DNAH7: variants seen among roughly 807,000 people sequenced by gnomAD.
DNAH7 encodes the protein axonemal beta dynein heavy chain 7.
Under a neutral mutation model 444.6 loss-of-function variants are expected in DNAH7, and 397 were observed. The observed-to-expected ratio is 0.89, with a 90% CI of 0.82 to 0.97. The LOEUF is 0.97. DNAH7 is among the 50% of genes least tolerant of loss of function. The pLI, the probability that DNAH7 is intolerant of heterozygous loss-of-function variation, is 0.00. For missense variants in DNAH7, 4,902 were observed against 4,800.8 expected, an observed-to-expected ratio of 1.02 and a Z score of -0.62; for synonymous variants, 1,636 against 1,624.4, an observed-to-expected ratio of 1.01 and a Z score of -0.17.
intron 16 of DNAH7, among the ~76,000 whole-genome samples, chr2:195,971,861 A>G (rs1574918341): frequency 6.6e-6 from 1 of 152,148 alleles, no homozygotes; most frequent in Non-Finnish European, 1.5e-5. Context: ...TGAGGTATGA[A>G]AGCACATTTC....
chr2:196,007,776 T>C (rs1575007374), intron 10 of DNAH7, among the ~76,000 whole-genome samples: 2 of 152,180 alleles, frequency 1.3e-5, no homozygotes, highest in Non-Finnish European at 2.9e-5. Context: ...CCTTCCACCA[T>C]GATTGTGAGG....
chr2:195,961,896 A>C (rs189291135), intron 17 of DNAH7, among the ~76,000 whole-genome samples: 1 of 152,260 alleles, frequency 6.6e-6, no homozygotes, highest in East Asian at 1.9e-4. Context: ...AAATTTAACT[A>C]ATTTTTCAAT....
chr2:195,987,820 C>A, intron 13 of DNAH7, 137 bp downstream of exon 13: 2 of 847,672 alleles, frequency 2.4e-6, no homozygotes, highest in Non-Finnish European at 3.6e-6. Context: ...ATGCTAGGGA[C>A]ACATCAGAAG....
chr2:196,005,600 T>C (rs1341829908), intron 10 of DNAH7, among the ~76,000 whole-genome samples: 1 of 151,820 alleles, frequency 6.6e-6, no homozygotes, highest in Admixed American at 6.6e-5. Context: ...GCCAACAAAT[T>C]TGATAATCTA....
chr2:196,066,274 T>G (rs769130445), intron 1 of DNAH7, among the ~76,000 whole-genome samples: 1 of 152,244 alleles, frequency 6.6e-6, no homozygotes, highest in Non-Finnish European at 1.5e-5. Flanking sequence ...AATATAGTTG[T>G]CAGTTGTCAC....
In DNAH7 at chr2:195,857,669, T is replaced by C. The variant is rs965712011; in HGVS notation, c.8122A>G (p.Met2708Val). Reference sequence around the variant, plus strand: ...CCTTTCAAGATGCATATAGCTTCCATAACAAGCTTGACACCAGCAGGAGGA... The same window carrying C: ...CCTTTCAAGATGCATATAGCTTCCACAACAAGCTTGACACCAGCAGGAGGA... The part of the protein sequence containing the change: ...KSPPAGVKLV[M>V]EAICILKGIK... The change falls in exon 44 of 65, where the codon ATG becomes GTG. Residue 2708 changes from methionine (M) to valine (V), a missense_variant. Met to Val is a conservative substitution (Grantham distance 21, BLOSUM62 1). Coordinates refer to ENST00000312428, the MANE Select transcript of DNAH7 (RefSeq NM_018897.3). The C allele has an allele frequency of 4.3e-6, 7 of 1,613,298 alleles. No individual in the cohort carries two copies. The highest frequency in any genetic ancestry group is 4.2e-6 in the Non-Finnish European group (5 of 1,179,704).
At position 195,895,039 on chromosome 2, in the gene DNAH7, T is replaced by C. The variant is rs1168888944; in HGVS notation, c.4833A>G (p.Pro1611=). Residue 1611 remains proline (P), a synonymous_variant, in exon 30 of 65, where the codon CCA becomes CCG. Coordinates refer to ENST00000312428, the MANE Select transcript of DNAH7 (RefSeq NM_018897.3). The stretch of plus-strand genomic sequence containing the variant: ...GATATGCACTAGTTTTTCCTCCAAA[T>C]GGTTCTCCAACAATCATAAAACCAT... ...VRHGFMIVGE[P]FGGKTSAYRV... The C allele has an allele frequency of 6.2e-7, 1 of 1,613,404 alleles. No individual in the cohort carries two copies. The highest frequency in any genetic ancestry group is 1.3e-5 in the African/African-American group (1 of 75,044).
intron 19 of DNAH7, among the ~76,000 whole-genome samples, chr2:195,950,627 T>C (rs998074216): frequency 6.6e-6 from 1 of 151,922 alleles, no homozygotes; most frequent in African/African-American, 2.4e-5. Context: ...AGCGGGCAGA[T>C]CACAAGGTCA....
At chr2:195,757,694 G>T (rs1348572281) in intron 61 of DNAH7, among the ~76,000 whole-genome samples, 1 of 152,198 alleles carries the variant, frequency 6.6e-6, no homozygotes, top group Non-Finnish European at 1.5e-5. Context: ...ACTGCTGGTA[G>T]TAGATTTAGC....
In DNAH7 at chr2:195,861,722, T is replaced by C. The variant is rs765140089; in HGVS notation, c.7731A>G (p.Lys2577=). Residue 2577 remains lysine (K), a synonymous_variant, in exon 42 of 65, where the codon AAA becomes AAG. Coordinates refer to ENST00000312428, the MANE Select transcript of DNAH7 (RefSeq NM_018897.3). ...ATATGAAATTTGATTTTTACCTTCTTTTCTTTTCTAACAACAGTTTGAAGG... is the reference window on the plus strand; with the variant it reads ...ATATGAAATTTGATTTTTACCTTCTCTTCTTTTCTAACAACAGTTTGAAGG... ...ISTFKLLLEK[K]RSEVMKMKKR... is the part of the protein sequence containing the mutation. 8 of 1,604,832 alleles carry C rather than the reference T, an allele frequency of 5.0e-6. No individual in the cohort carries two copies. The South Asian group carries it at 8.9e-5, about 18-fold the overall frequency.
Position 195,858,480 on chromosome 2 carries a change from A to C in DNAH7, c.8061T>G (p.Thr2687=). ...ESALAALDTL[T]AQDITVVKSM... ...TGTATGGCGAAGCTCTTACCTGTGCAGTAAGAGTATCAAGGGCGGCCAGTG... is the reference window on the plus strand; with the variant it reads ...TGTATGGCGAAGCTCTTACCTGTGCCGTAAGAGTATCAAGGGCGGCCAGTG... The change falls in exon 43 of 65, where the codon ACT becomes ACG. Residue 2687 remains threonine, a synonymous_variant. Transcript: ENST00000312428. The C allele has an allele frequency of 6.3e-7, 1 of 1,599,782 alleles. No individual in the cohort carries two copies. Among genetic ancestry groups the C allele is most frequent in the Non-Finnish European group, 8.5e-7 (1 of 1,172,522 alleles).
chr2:195,833,687 T>A (rs904066021), intron 48 of DNAH7, among the ~76,000 whole-genome samples: 19 of 150,052 alleles, frequency 1.3e-4, no homozygotes, highest in Non-Finnish European at 2.4e-4. Context: ...ATGTTTATAA[T>A]CTCTTTATTT....
Position 195,957,428 on chromosome 2 carries a change from G to A in DNAH7, c.2911C>T (p.Leu971=). 1 of 1,565,732 alleles carries A rather than the reference G, an allele frequency of 6.4e-7. No homozygotes were observed. Among genetic ancestry groups the A allele is most frequent in the Non-Finnish European group, 8.7e-7 (1 of 1,146,840 alleles). The change falls in exon 19 of 65, where the codon CTA becomes TTA. Residue 971 remains leucine (L), a synonymous_variant. Coordinates refer to ENST00000312428, the MANE Select transcript of DNAH7 (RefSeq NM_018897.3). ...TCATCCAGAATCTCCTGAAGCAGTAGGAGCTTGCCCTCCCATTCTCTGAGG... is the reference window on the plus strand; with the variant it reads ...TCATCCAGAATCTCCTGAAGCAGTAAGAGCTTGCCCTCCCATTCTCTGAGG... ...KQMREWEGKL[L]LLQEILDEWL... is the part of the protein sequence containing the mutation.
intron 2 of DNAH7, among the ~76,000 whole-genome samples, chr2:196,051,484 T>C (rs942575566): frequency 7.9e-5 from 12 of 152,152 alleles, no homozygotes; most frequent in African/African-American, 9.7e-5. Context: ...TTAAAAAGTA[T>C]GCAAAACCGG....
At chr2:196,035,075 G>A (rs1262434667) in intron 5 of DNAH7, among the ~76,000 whole-genome samples, 1 of 152,064 alleles carries the variant, frequency 6.6e-6, no homozygotes, top group African/African-American at 2.4e-5. Flanking sequence ...CCAGGTACTT[G>A]AGAGGCTGAG....
chr2:195,836,584 T>A (rs1698386023), intron 47 of DNAH7, among the ~76,000 whole-genome samples: 1 of 151,764 alleles, frequency 6.6e-6, no homozygotes, highest in Admixed American at 6.6e-5. Flanking sequence ...GGCAGCATAA[T>A]TCAGTCTATG....
At chr2:195,751,401 T>C (rs1046852763) in intron 63 of DNAH7, among the ~76,000 whole-genome samples, 2 of 152,162 alleles carry the variant, frequency 1.3e-5, no homozygotes, top group South Asian at 2.1e-4. Context: ...TTTTTGAAAT[T>C]TCCCCCAGCA....
chr2:195,811,800 T>C (rs528983898), intron 51 of DNAH7, among the ~76,000 whole-genome samples: 1 of 152,334 alleles, frequency 6.6e-6, no homozygotes, highest in East Asian at 1.9e-4. Context: ...TGTGCGTAAT[T>C]ATCAAATTGC....
chr2:195,814,255 T>C (rs1398700339), intron 51 of DNAH7, among the ~76,000 whole-genome samples: 1 of 152,264 alleles, frequency 6.6e-6, no homozygotes, highest in Non-Finnish European at 1.5e-5. Context: ...TCCAAAATTA[T>C]ACTTTTAGTA....
Sources: allele counts gnomAD v4.1 joint callset (sites outside exome capture counted in the v4.1 genomes callset), GRCh38; gene constraint gnomAD v4.1.1; transcripts MANE v1.5; gene names NCBI Gene and HGNC (gene_info 2026-07-23, HGNC 2026-07-21).